C2CD3: variants seen among roughly 807,000 people sequenced by gnomAD.
C2CD3 encodes C2 domain-containing protein 3.
A neutral mutation model predicts 234.0 loss-of-function variants in C2CD3; 148 were observed. The observed-to-expected ratio is 0.63, with a 90% CI of 0.55 to 0.72. The LOEUF is 0.72. Among genes scored for constraint, C2CD3 ranks in the 30% least tolerant of loss-of-function variants. The pLI is 0.00. For missense variants in C2CD3, 2,577 were observed against 2,811.5 expected (o/e 0.92, Z 1.89); for synonymous variants, 1,000 against 1,035.4 (o/e 0.97, Z 0.66).
chr11:74,140,831 G>C (rs551310955), intron 3 of C2CD3, among the ~76,000 whole-genome samples: 1 of 152,276 alleles, frequency 6.6e-6, no homozygotes, highest in Admixed American at 6.5e-5. Context: ...GGTGAGGAGG[G>C]AGGACAACTA....
At chr11:74,043,986 A>T (rs1953219064) in intron 28 of C2CD3, among the ~76,000 whole-genome samples, 1 of 151,932 alleles carries the variant, frequency 6.6e-6, no homozygotes. Context: ...ACCAAGTCTG[A>T]GTAGTTTTTT....
intron 1 of C2CD3, among the ~76,000 whole-genome samples, 156 bp from the exon 2 acceptor site, chr11:74,168,769 T>C (rs1031495679): frequency 8.5e-5 from 13 of 152,238 alleles, no homozygotes; most frequent in Admixed American, 6.5e-4. Context: ...ATTATTCTAA[T>C]ACATGAGAAG....
chr11:74,088,925 A>C (rs1590764585), intron 20 of C2CD3, among the ~76,000 whole-genome samples: 1 of 152,232 alleles, frequency 6.6e-6, no homozygotes, highest in Admixed American at 6.5e-5. Context: ...AATGATCCCT[A>C]AAGAAGGCTG....
At chr11:74,116,909 T>C (rs1335842048) in intron 9 of C2CD3, among the ~76,000 whole-genome samples, 3 of 81,758 alleles carry the variant, frequency 3.7e-5, no homozygotes, top group Admixed American at 3.0e-4. Context: ...CACACGTGTA[T>C]GTATATATAC....
chr11:74,105,509 A>C (rs996063795), intron 13 of C2CD3, among the ~76,000 whole-genome samples: 4 of 152,092 alleles, frequency 2.6e-5, no homozygotes, highest in African/African-American at 9.7e-5. Context: ...GAGCTCCGGC[A>C]ATCTGCCCGC....
chr11:74,092,341 C>T, intron 19 of C2CD3, 75 bp downstream of exon 19: 1 of 1,380,948 alleles, frequency 7.2e-7, no homozygotes, highest in Non-Finnish European at 1.0e-6. Context: ...AGGTGTGAAC[C>T]ACCGCACCCG....
rs1302868546 is a variant in C2CD3, at chr11:74,095,413, T to C, written c.2980-5A>G. On this transcript the variant is annotated splice_polypyrimidine_tract_variant and splice_region_variant and intron_variant, in intron 16 of 32. Transcript: ENST00000334126. ...TCCATTTCCTCGGTCCTCTGCCTAT[T>C]AAATGAAACAGAAACACTGGTGAGC... is the stretch of plus-strand genomic sequence containing the variant. 4.4e-6 allele frequency: 7 copies of C among 1,605,320 alleles called. No homozygotes were observed. The South Asian group carries it at 7.8e-5, about 18-fold the overall frequency.
In C2CD3 at chr11:74,057,112, C is replaced by G. The variant is rs76710463; in HGVS notation, c.5090+294G>C. 0.021 allele frequency among the ~76,000 whole-genome samples: 3,234 copies of G among 152,064 alleles called. 73 individuals carry two copies. Among genetic ancestry groups the G allele is most frequent in the Admixed American group, 0.03 (463 of 15,268 alleles). On this transcript the variant is annotated intron_variant, in intron 25 of 32. Coordinates refer to ENST00000334126, the MANE Select transcript of C2CD3 (RefSeq NM_001286577.2). ...TTTTTCCCAGGTAAGACCATGAACT[C>G]CTCAATTGCATGGAGTATCTTAATA...
intron 3 of C2CD3, among the ~76,000 whole-genome samples, chr11:74,154,434 G>A (rs1855876667): frequency 6.6e-6 from 1 of 152,062 alleles, no homozygotes; most frequent in African/African-American, 2.4e-5. Flanking sequence ...AGAAAAGAAA[G>A]AGAGAAGCCA....
At chr11:74,074,005 T>C (rs1954916538) in intron 24 of C2CD3, among the ~76,000 whole-genome samples, 1 of 152,160 alleles carries the variant, frequency 6.6e-6, no homozygotes, top group Admixed American at 6.5e-5. Context: ...AGGGATCCGA[T>C]GATTTGACAG....
chr11:74,095,367 C>T lies in C2CD3; in HGVS notation c.3021G>A (p.Glu1007=). Residue 1007 remains glutamate, a synonymous_variant, in exon 17 of 33, where the codon GAG becomes GAA. Coordinates refer to ENST00000334126, the MANE Select transcript of C2CD3 (RefSeq NM_001286577.2). ...RGNGLMEHCF[E]IHIEMVKGLA... is the part of the protein sequence containing the mutation. Reference sequence around the variant, plus strand: ...GCCCTTTAACCATCTCTATATGGATCTCAAAGCAGTGCTCCATCAGTCCAT... The same window carrying T: ...GCCCTTTAACCATCTCTATATGGATTTCAAAGCAGTGCTCCATCAGTCCAT... 1 of 1,613,620 alleles carries T rather than the reference C, an allele frequency of 6.2e-7. No homozygotes were observed. The highest frequency in any genetic ancestry group is 8.5e-7 in the Non-Finnish European group (1 of 1,179,692).
intron 29 of C2CD3, 49 bp from the exon 30 acceptor site, chr11:74,037,747 T>C (rs1485070379): frequency 9.3e-6 from 13 of 1,396,606 alleles, no homozygotes; most frequent in Admixed American, 5.7e-5. Flanking sequence ...TCATGGAGAT[T>C]ATGAACATCT....
At chr11:74,136,005 T>C (rs1590908149) in intron 5 of C2CD3, among the ~76,000 whole-genome samples, 1 of 152,092 alleles carries the variant, frequency 6.6e-6, no homozygotes, top group Non-Finnish European at 1.5e-5. Flanking sequence ...TGAAAAACTA[T>C]TGGGTGCTAT....
intron 24 of C2CD3, among the ~76,000 whole-genome samples, chr11:74,063,968 TA>T: frequency 6.6e-6 from 1 of 152,160 alleles, no homozygotes; most frequent in Non-Finnish European, 1.5e-5. Flanking sequence ...GTTACATATG[TA>T]TACATGTGCC....
Position 74,033,779 on chromosome 11 carries a change from AC to A in C2CD3, c.6380del (p.Ser2127IlefsTer104). ...CCCTTTCTGGGCTGGAGAGAAAGCT[AC>A]TTTTGACCATAAGCTCCTCTCTGCA... ...PFCREELMVK[S>X]SFLSSPERAV... On this transcript the variant is annotated frameshift_variant, in exon 31 of 33. Coordinates refer to ENST00000334126, the MANE Select transcript of C2CD3 (RefSeq NM_001286577.2). LOFTEE classifies it high-confidence loss of function. The A allele has an allele frequency of 6.5e-7, 1 of 1,536,306 alleles. No individual in the cohort carries two copies. The highest frequency in any genetic ancestry group is 8.7e-7 in the Non-Finnish European group (1 of 1,146,930).
At chr11:74,090,714 C>A in intron 20 of C2CD3, 99 bp downstream of exon 20, 1 of 1,334,210 alleles carries the variant, frequency 7.5e-7, no homozygotes, top group Admixed American at 1.9e-5. Context: ...GGTTAGTGAA[C>A]TGGAAATTAT....
intron 26 of C2CD3, among the ~76,000 whole-genome samples, chr11:74,053,730 T>C (rs1003596196): frequency 6.6e-6 from 1 of 152,234 alleles, no homozygotes; most frequent in African/African-American, 2.4e-5. Context: ...TACGTTATGA[T>C]GGTTGACAGA....
At chr11:74,123,816 G>A (rs1349682563) in intron 7 of C2CD3, among the ~76,000 whole-genome samples, 3 of 145,062 alleles carry the variant, frequency 2.1e-5, no homozygotes, top group African/African-American at 7.7e-5. Flanking sequence ...TAGGCTCACT[G>A]CAACCTCTGC....
rs765650511 is a variant in C2CD3 at position 74,133,425 on chromosome 11, T to C, written c.1088A>G (p.Gln363Arg). 6.2e-7 allele frequency: 1 copy of C among 1,613,284 alleles called. No individual in the cohort carries two copies. Among genetic ancestry groups the C allele is most frequent in the Non-Finnish European group, 8.5e-7 (1 of 1,179,298 alleles). ...INEDSLRAST[Q>R]IRAFSRNRFK... ...AGGTTCTGTCTATCCTGTAACTTACTGTGTTGATGCTCTAAGAGAATCTTC... is the reference window on the plus strand; with the variant it reads ...AGGTTCTGTCTATCCTGTAACTTACCGTGTTGATGCTCTAAGAGAATCTTC... Residue 363 changes from glutamine (Q) to arginine (R), a missense_variant and splice_region_variant, in exon 6 of 33, where the codon CAG (glutamine) becomes CGG (arginine). Transcript: ENST00000334126.
Sources: allele counts gnomAD v4.1 joint callset (sites outside exome capture counted in the v4.1 genomes callset), GRCh38; gene constraint gnomAD v4.1.1; transcripts MANE v1.5; gene names NCBI Gene and HGNC (gene_info 2026-07-23, HGNC 2026-07-21).